Variants in CHRM3 observed in about 807,000 individuals in gnomAD.
CHRM3 encodes cholinergic receptor muscarinic 3, also known as muscarinic acetylcholine receptor M3.
In CHRM3, 11 loss-of-function variants were observed where a neutral mutation model predicts 41.8. The observed-to-expected ratio is 0.26, with a 90% CI of 0.17 to 0.44. The LOEUF is 0.44. CHRM3 is among the 20% of genes least tolerant of loss of function. The probability of loss-of-function intolerance (pLI) is 1.00; values close to 1 mark genes in which losing one functional copy is unlikely to be tolerated. For missense variants in CHRM3, 571 were observed against 745.4 expected (o/e 0.77, Z 2.72); for synonymous variants, 297 against 301.4 (o/e 0.99, Z 0.15).
chr1:239,723,293 TA>T (rs1448731393), intron 5 of CHRM3, among the ~76,000 whole-genome samples: 1 of 151,808 alleles, frequency 6.6e-6, no homozygotes, highest in Non-Finnish European at 1.5e-5. Flanking sequence ...AAGGATAAAA[TA>T]AGGAAAAAAA....
chr1:239,449,368 G>A (rs1003925332), intron 1 of CHRM3, among the ~76,000 whole-genome samples: 3 of 152,102 alleles, frequency 2.0e-5, no homozygotes, highest in East Asian at 1.9e-4. Flanking sequence ...TGATCATTTC[G>A]AAAAAGAACA....
chr1:239,525,375 A>G (rs897889509), intron 2 of CHRM3, among the ~76,000 whole-genome samples: 2 of 152,200 alleles, frequency 1.3e-5, no homozygotes, highest in Non-Finnish European at 2.9e-5. Flanking sequence ...TTACTTCCCT[A>G]GCACATGACA....
chr1:239,466,444 A>G (rs879348580), intron 1 of CHRM3, among the ~76,000 whole-genome samples: 22 of 152,156 alleles, frequency 1.4e-4, no homozygotes, highest in African/African-American at 4.3e-4. Flanking sequence ...TATGATATCA[A>G]TAAGGCTTCT....
chr1:239,415,386 G>C (rs1371605064), intron 1 of CHRM3, among the ~76,000 whole-genome samples: 1 of 152,174 alleles, frequency 6.6e-6, no homozygotes, highest in Non-Finnish European at 1.5e-5. Flanking sequence ...GTTGCAGTGA[G>C]CTGAGACTGT....
intron 2 of CHRM3, among the ~76,000 whole-genome samples, chr1:239,545,224 G>A (rs1001746869): frequency 6.6e-6 from 1 of 152,084 alleles, no homozygotes; most frequent in Non-Finnish European, 1.5e-5. Context: ...ACTTCACATT[G>A]TGTGCAAAAC....
In CHRM3 at chr1:239,536,363, A is replaced by G. The variant is rs192989321; in HGVS notation, c.-421-9278A>G. 3.3e-5 allele frequency among the ~76,000 whole-genome samples: 5 copies of G among 152,332 alleles called. No individual in the cohort carries two copies. In the East Asian group the frequency reaches 5.8e-4, roughly 18 times the overall value. On this transcript the variant is annotated intron_variant, in intron 2 of 6. Transcript: ENST00000676153. ...AGTCATCCTCCTCCTGTTGCAAACA[A>G]TCTCTATGGAGATGAGAACATAATC...
intron 6 of CHRM3, among the ~76,000 whole-genome samples, chr1:239,873,512 G>T (rs1281570755): frequency 6.6e-6 from 1 of 151,694 alleles, no homozygotes. Context: ...CCCCTGACAG[G>T]CCCCAGTGTG....
At chr1:239,724,112 T>G (rs997993043) in intron 5 of CHRM3, among the ~76,000 whole-genome samples, 1 of 151,942 alleles carries the variant, frequency 6.6e-6, no homozygotes, top group African/African-American at 2.4e-5. Flanking sequence ...AAGCCTTGCC[T>G]TTTTTGGTCA....
intron 6 of CHRM3, among the ~76,000 whole-genome samples, chr1:239,839,267 C>T (rs761075520): frequency 2.0e-5 from 3 of 152,202 alleles, no homozygotes; most frequent in Admixed American, 6.5e-5. Flanking sequence ...CACTGCCTCT[C>T]GATCTATATC....
chr1:239,816,984 A>G (rs1671646712), intron 5 of CHRM3, among the ~76,000 whole-genome samples: 1 of 152,072 alleles, frequency 6.6e-6, no homozygotes, highest in Admixed American at 6.5e-5. Context: ...CGGCCTCCCA[A>G]AGTGCTGGGA....
intron 6 of CHRM3, among the ~76,000 whole-genome samples, chr1:239,884,565 T>A (rs1442256563): frequency 6.6e-6 from 1 of 152,232 alleles, no homozygotes; most frequent in East Asian, 1.9e-4. Flanking sequence ...AAGATTGCAC[T>A]AACTACTTCT....
chr1:239,488,338 C>A lies in CHRM3; in HGVS notation c.-520-4371C>A, dbSNP rs571188861. On this transcript the variant is annotated intron_variant, in intron 1 of 6. Coordinates refer to ENST00000676153, the MANE Select transcript of CHRM3 (RefSeq NM_001375978.1). ...AGCAGAGGTACAGAAAGTATTATTA[C>A]AGTGGACACAACCAGAATGTTCATT... Among the ~76,000 whole-genome samples the A allele has an allele frequency of 2.6e-5, 4 of 152,210 alleles. No individual in the cohort carries two copies. In the South Asian group the frequency reaches 8.3e-4, roughly 32 times the overall value.
Position 239,446,201 on chromosome 1 carries a change from T to C in CHRM3, c.-520-46508T>C, listed in dbSNP as rs144287273. On this transcript the variant is annotated intron_variant, in intron 1 of 6. Transcript: ENST00000676153. ...CCGCCCGCCTTGGCCTCCCAAAGTG[T>C]TGCAATTACAGGCGTGAGCCACCAT... Among the ~76,000 whole-genome samples, 1,112 of 152,264 alleles carry C rather than the reference T, an allele frequency of 7.3e-3. 7 individuals carry two copies. Among genetic ancestry groups the C allele is most frequent in the African/African-American group, 0.024 (1,010 of 41,546 alleles).
rs569083782 is a variant in CHRM3, at chr1:239,819,230, G to A, written c.-146-8022G>A. 3.9e-5 allele frequency among the ~76,000 whole-genome samples: 6 copies of A among 152,198 alleles called. No individual in the cohort carries two copies. The South Asian group carries it at 1.2e-3, about 32-fold the overall frequency. On this transcript the variant is annotated intron_variant, in intron 5 of 6. Transcript: ENST00000676153. ...CCAGTCGATGTCACCCCAAATAAAC[G>A]AGGCTAGTAGGCACAGACCCCACAG...
intron 1 of CHRM3, among the ~76,000 whole-genome samples, chr1:239,458,890 C>T (rs1287580030): frequency 1.1e-5 from 1 of 89,272 alleles, no homozygotes; most frequent in Non-Finnish European, 2.5e-5. Context: ...ATGGGAGACC[C>T]CCCCCCATCA....
intron 5 of CHRM3, among the ~76,000 whole-genome samples, chr1:239,756,858 T>C (rs1331695576): frequency 2.0e-5 from 3 of 152,248 alleles, no homozygotes; most frequent in Non-Finnish European, 2.9e-5. Flanking sequence ...TGCATAATGC[T>C]TTGCATAATA....
chr1:239,565,418 AG>A (rs1223530928), intron 3 of CHRM3, among the ~76,000 whole-genome samples: 1 of 152,160 alleles, frequency 6.6e-6, no homozygotes, highest in East Asian at 1.9e-4. Flanking sequence ...TGACTGTAAT[AG>A]TTCAGGAGGG....
intron 1 of CHRM3, among the ~76,000 whole-genome samples, chr1:239,484,011 G>A (rs1667029589): frequency 6.6e-6 from 1 of 152,214 alleles, no homozygotes; most frequent in Admixed American, 6.5e-5. Flanking sequence ...AACGAAGTAA[G>A]TGTGTAGTCT....
At chr1:239,733,802 T>TA in intron 5 of CHRM3, among the ~76,000 whole-genome samples, 1 of 152,246 alleles carries the variant, frequency 6.6e-6, no homozygotes, top group South Asian at 2.1e-4. Flanking sequence ...AACCACTTAT[T>TA]AAGCACCTAT....
Sources: allele counts gnomAD v4.1 joint callset (sites outside exome capture counted in the v4.1 genomes callset), GRCh38; gene constraint gnomAD v4.1.1; transcripts MANE v1.5; gene names NCBI Gene and HGNC (gene_info 2026-07-23, HGNC 2026-07-21).